Variants in WDR41 observed in about 807,000 individuals in gnomAD.
WDR41 encodes the protein WD repeat-containing protein 41.
A neutral mutation model predicts 69.3 loss-of-function variants in WDR41; 63 were observed. That is an observed-to-expected ratio of 0.91 (90% CI 0.74 to 1.12). WDR41 has a LOEUF of 1.12. Among genes scored for constraint, WDR41 ranks in the 50% most tolerant of loss-of-function variants. The pLI is 0.00. For missense variants in WDR41, 543 were observed against 534.5 expected (o/e 1.02, Z -0.16); for synonymous variants, 185 against 192.1 (o/e 0.96, Z 0.31).
Position 77,619,831 on chromosome 5 carries a change from T to C in WDR41, c.42+648A>G, listed in dbSNP as rs73765374. Among the ~76,000 whole-genome samples, 278 of 152,192 alleles carry C rather than the reference T, an allele frequency of 1.8e-3. 2 individuals carry two copies. The highest frequency in any genetic ancestry group is 6.3e-3 in the African/African-American group (263 of 41,514). ...TGACTTCGGAGCCCAGGGCTTCGCA[T>C]AGGAGAAGTCAGCAATGCCAAAAGG... is the stretch of plus-strand genomic sequence containing the variant. On this transcript the variant is annotated intron_variant, in intron 1 of 5. Transcript: ENST00000509971.
intron 1 of WDR41, among the ~76,000 whole-genome samples, chr5:77,521,053 T>C (rs4704429): frequency 0.4 from 60,436 of 151,896 alleles, 12,201 homozygotes; most frequent in African/African-American, 0.45. Flanking sequence ...CTCGCCCAAA[T>C]AAGTTGGTAT....
chr5:77,433,335 A>G, intron 12 of WDR41, 48 bp from the exon 13 acceptor site: 1 of 1,572,806 alleles, frequency 6.4e-7, no homozygotes, highest in Non-Finnish European at 8.7e-7. Flanking sequence ...AAAGCAGAGA[A>G]GTGTCTAATA....
chr5:77,488,458 A>T (rs1007488999), intron 2 of WDR41, among the ~76,000 whole-genome samples: 2 of 48,804 alleles, frequency 4.1e-5, no homozygotes, highest in Admixed American at 2.2e-4. Flanking sequence ...AAATTAAATT[A>T]AAAAAAAAAA....
At position 77,590,555 on chromosome 5, in the gene WDR41, C is replaced by G. The variant is rs568814269; in HGVS notation, c.42+29924G>C. Among the ~76,000 whole-genome samples, 10 of 152,218 alleles carry G rather than the reference C, an allele frequency of 6.6e-5. No individual in the cohort carries two copies. The South Asian group carries it at 2.1e-3, about 32-fold the overall frequency. ...ACTTTGAGTAAAAGGTAGTGGGAAA[C>G]TAGGTCAGAGCTGACAAAGAGGAAG... On this transcript the variant is annotated intron_variant, in intron 1 of 5. Transcript: ENST00000509971.
chr5:77,614,702 G>A (rs1375925977), intron 1 of WDR41, among the ~76,000 whole-genome samples: 2 of 149,546 alleles, frequency 1.3e-5, no homozygotes, highest in Non-Finnish European at 3.0e-5. Flanking sequence ...AATGCTTAAT[G>A]ACGCGTTAAT....
intron 1 of WDR41, among the ~76,000 whole-genome samples, chr5:77,557,619 A>G (rs1327757696): frequency 1.3e-5 from 2 of 152,248 alleles, no homozygotes; most frequent in Non-Finnish European, 1.5e-5. Flanking sequence ...AGGAATCAGT[A>G]TAGTCGCTTT....
chr5:77,484,652 C>T (rs1801430208), intron 2 of WDR41, among the ~76,000 whole-genome samples: 1 of 152,084 alleles, frequency 6.6e-6, no homozygotes, highest in African/African-American at 2.4e-5. Flanking sequence ...AACTATTAAC[C>T]AATGGCATAC....
At chr5:77,526,516 A>C (rs935781039) in intron 1 of WDR41, among the ~76,000 whole-genome samples, 5 of 152,116 alleles carry the variant, frequency 3.3e-5, no homozygotes, top group African/African-American at 1.2e-4. Flanking sequence ...CTTGCTTTTT[A>C]TAAACTTCTA....
intron 1 of WDR41, among the ~76,000 whole-genome samples, chr5:77,619,448 G>C (rs141663673): frequency 6.6e-6 from 1 of 152,194 alleles, no homozygotes; most frequent in Non-Finnish European, 1.5e-5. Context: ...AGACTTTCCT[G>C]TATTACACCC....
chr5:77,502,200 T>C lies in WDR41; in HGVS notation c.43-12628A>G, dbSNP rs746684826. Among the ~76,000 whole-genome samples the C allele has an allele frequency of 1.6e-4, 25 of 152,114 alleles. 1 individual carries two copies. The highest frequency in any genetic ancestry group is 3.4e-3 in the Middle Eastern group (1 of 294). On this transcript the variant is annotated intron_variant, in intron 1 of 5. Coordinates refer to the WDR41 transcript ENST00000509971. The stretch of plus-strand genomic sequence containing the variant: ...AATGACCTGATGGAGCTGAAAACCA[T>C]AGCATGAAAACTTCGTGACACATAC...
At chr5:77,498,595 G>T (rs1044006324) in intron 1 of WDR41, among the ~76,000 whole-genome samples, 2 of 152,080 alleles carry the variant, frequency 1.3e-5, no homozygotes, top group African/African-American at 2.4e-5. Flanking sequence ...GAGGTAGGAG[G>T]ATTGCTTGAG....
rs372784426 is a variant in WDR41 at position 77,574,216 on chromosome 5, T to C, written c.42+46263A>G. ...AGGAGGCTGAGGGAGGAGAATTGCTTGAACCCGGGAGGCGAAGGGTGCAGT... is the reference window on the plus strand; with the variant it reads ...AGGAGGCTGAGGGAGGAGAATTGCTCGAACCCGGGAGGCGAAGGGTGCAGT... On this transcript the variant is annotated intron_variant, in intron 1 of 5. Coordinates refer to the WDR41 transcript ENST00000509971. 4.6e-5 allele frequency among the ~76,000 whole-genome samples: 7 copies of C among 152,236 alleles called. No individual in the cohort carries two copies. In the South Asian group the frequency reaches 1.0e-3, roughly 23 times the overall value.
intron 8 of WDR41, among the ~76,000 whole-genome samples, chr5:77,448,872 C>CAAACAAACAAAA (rs1255456501): frequency 1.1e-4 from 17 of 150,818 alleles, no homozygotes; most frequent in African/African-American, 3.4e-4. Context: ...CATCTCAAAA[C>CAAACAAACAAAA]AAACAAACAA....
At chr5:77,444,143 G>C (rs890993584) in intron 8 of WDR41, among the ~76,000 whole-genome samples, 2 of 150,136 alleles carry the variant, frequency 1.3e-5, no homozygotes, top group African/African-American at 2.4e-5. Context: ...AGCTCCCAAA[G>C]TGCTGGGATT....
chr5:77,462,959 A>G (rs1034064953), intron 4 of WDR41, 136 bp downstream of exon 4: 2 of 895,726 alleles, frequency 2.2e-6, no homozygotes, highest in Non-Finnish European at 1.6e-6. Flanking sequence ...ATGGTATCTT[A>G]TAAGTAACAG....
chr5:77,600,433 GC>G (rs1744301756), intron 1 of WDR41, among the ~76,000 whole-genome samples: 1 of 152,200 alleles, frequency 6.6e-6, no homozygotes, highest in South Asian at 2.1e-4. Flanking sequence ...GGGGTCGAAA[GC>G]AGGGAGAAGG....
chr5:77,437,337 T>C lies in WDR41; in HGVS notation c.1092A>G (p.Thr364=), dbSNP rs1247152268. The C allele has an allele frequency of 1.2e-6, 2 of 1,613,508 alleles. No individual in the cohort carries two copies. Among genetic ancestry groups the C allele is most frequent in the Middle Eastern group, 3.3e-4 (2 of 6,062 alleles). Reference sequence around the variant, plus strand: ...ACCTTTTTGAGAGAAGACACACACCTGTTGGTACAGGCTCAGCTGCAAGCT... The same window carrying C: ...ACCTTTTTGAGAGAAGACACACACCCGTTGGTACAGGCTCAGCTGCAAGCT... The part of the protein sequence containing the change: ...KQQLAAEPVP[T]GFFNMWGFGR... The change falls in exon 11 of 13, where the codon ACA becomes ACG. Residue 364 remains threonine (T), a splice_region_variant and synonymous_variant. Transcript: ENST00000296679.
intron 1 of WDR41, among the ~76,000 whole-genome samples, chr5:77,603,253 A>G (rs926645494): frequency 2.0e-5 from 3 of 152,138 alleles, no homozygotes; most frequent in Admixed American, 1.3e-4. Flanking sequence ...TTTTAATAAC[A>G]GCCATTCTAA....
chr5:77,496,029 C>T (rs1290823511), upstream of WDR41, among the ~76,000 whole-genome samples: 1 of 152,024 alleles, frequency 6.6e-6, no homozygotes, highest in South Asian at 2.1e-4. Flanking sequence ...ACAAGATAAT[C>T]TCAACTGATG....
Sources: gnomAD v4.1 joint callset for allele counts (sites outside exome capture counted in the v4.1 genomes callset) on GRCh38, gnomAD v4.1.1 for gene constraint, MANE v1.5 for transcripts, NCBI Gene and HGNC (gene_info 2026-07-23, HGNC 2026-07-21) for gene names.